Variants in MEIS1 observed in about 807,000 individuals in gnomAD.
MEIS1 encodes homeobox protein Meis1.
A neutral mutation model predicts 50.8 loss-of-function variants in MEIS1; 5 were observed. The observed-to-expected ratio is 0.10, with a 90% CI of 0.05 to 0.21. MEIS1 has a LOEUF of 0.21. Among genes scored for constraint, MEIS1 ranks in the 10% least tolerant of loss-of-function variants. The pLI is 1.00. For synonymous variants in MEIS1, 176 were observed against 179.3 expected, an observed-to-expected ratio of 0.98 and a Z score of 0.15; for missense variants, 318 against 517.3, an observed-to-expected ratio of 0.61 and a Z score of 3.74.
chr2:66,481,898 A>C (rs1295233258), intron 7 of MEIS1, among the ~76,000 whole-genome samples: 7 of 122,330 alleles, frequency 5.7e-5, no homozygotes, highest in African/African-American at 2.3e-4. Flanking sequence ...CTCTGTTGCC[A>C]GGCCGGAGTG....
intron 3 of MEIS1, 34 bp downstream of exon 3, chr2:66,440,018 CA>C (rs750522306): frequency 3.8e-5 from 60 of 1,561,196 alleles, no homozygotes; most frequent in Non-Finnish European, 5.1e-5. Flanking sequence ...GTAAAAGAAA[CA>C]AAAAGAGAGC....
intron 12 of MEIS1, 147 bp downstream of exon 12, chr2:66,569,292 TG>T (rs1675426340): frequency 1.5e-6 from 1 of 658,618 alleles, no homozygotes. Flanking sequence ...ATTTTCTTTT[TG>T]GTTGTGATCA....
intron 7 of MEIS1, among the ~76,000 whole-genome samples, chr2:66,492,914 A>T (rs546913281): frequency 6.6e-6 from 1 of 152,214 alleles, no homozygotes; most frequent in Admixed American, 6.5e-5. Flanking sequence ...CTGTTACTGC[A>T]CCCTTACTCT....
intron 9 of MEIS1, among the ~76,000 whole-genome samples, chr2:66,559,308 T>A (rs1162623354): frequency 6.6e-6 from 1 of 152,212 alleles, no homozygotes; most frequent in African/African-American, 2.4e-5. Context: ...TGCATCCCAC[T>A]TTCCTGGGAG....
intron 12 of MEIS1, chr2:66,569,756 C>G (rs1675438353): frequency 6.5e-6 from 1 of 152,696 alleles, no homozygotes; most frequent in African/African-American, 2.4e-5. Flanking sequence ...GCACAGCAGG[C>G]TGCGGGGCTT....
At chr2:66,516,339 A>G (rs1347494992) in intron 8 of MEIS1, among the ~76,000 whole-genome samples, 1 of 152,148 alleles carries the variant, frequency 6.6e-6, no homozygotes, top group African/African-American at 2.4e-5. Flanking sequence ...TTCACGGGTC[A>G]ATATCCAGCA....
intron 6 of MEIS1, among the ~76,000 whole-genome samples, chr2:66,445,978 T>C (rs947485858): frequency 1.3e-5 from 2 of 152,216 alleles, no homozygotes; most frequent in African/African-American, 4.8e-5. Flanking sequence ...GCAAGCCTCC[T>C]GGGCGCCCTC....
At chr2:66,461,969 T>A (rs1672531116) in intron 6 of MEIS1, 1 of 428,932 alleles carries the variant, frequency 2.3e-6, no homozygotes, top group African/African-American at 2.1e-5. Flanking sequence ...CAGAATAGAA[T>A]GTGGAAAATT....
intron 8 of MEIS1, among the ~76,000 whole-genome samples, chr2:66,520,544 T>C (rs1257368811): frequency 6.6e-6 from 1 of 152,092 alleles, no homozygotes; most frequent in Non-Finnish European, 1.5e-5. Flanking sequence ...AATGAATTCG[T>C]TGAAAAAATA....
chr2:66,452,777 T>A (rs1672304644), intron 6 of MEIS1, among the ~76,000 whole-genome samples: 1 of 151,996 alleles, frequency 6.6e-6, no homozygotes, highest in Non-Finnish European at 1.5e-5. Context: ...TGTTTGTGTA[T>A]TTGGTGGCTT....
chr2:66,463,393 G>T (rs367948026), intron 6 of MEIS1, among the ~76,000 whole-genome samples: 1 of 151,988 alleles, frequency 6.6e-6, no homozygotes, highest in Non-Finnish European at 1.5e-5. Context: ...GAGAGGTGTC[G>T]CCATGATTGT....
At chr2:66,564,929 T>G (rs948962325) in intron 9 of MEIS1, among the ~76,000 whole-genome samples, 2 of 152,004 alleles carry the variant, frequency 1.3e-5, no homozygotes, top group Non-Finnish European at 2.9e-5. Flanking sequence ...GCAATTACTT[T>G]TGCACCAACA....
At chr2:66,569,213 G>T in intron 12 of MEIS1, 68 bp downstream of exon 12, 1 of 1,320,814 alleles carries the variant, frequency 7.6e-7, no homozygotes. Flanking sequence ...ATTTTCTTAT[G>T]TTCTCCTTGC....
At chr2:66,500,210 T>C (rs934623974) in intron 7 of MEIS1, among the ~76,000 whole-genome samples, 5 of 152,130 alleles carry the variant, frequency 3.3e-5, no homozygotes, top group African/African-American at 1.2e-4. Flanking sequence ...TTGTAATCTA[T>C]TGGTTCTTAA....
intron 3 of MEIS1, chr2:66,440,350 G>C: frequency 1.6e-6 from 1 of 614,824 alleles, no homozygotes. Flanking sequence ...GTAGAAGTAA[G>C]ATTGAGCTCT....
chr2:66,561,312 G>A (rs1675207032), intron 9 of MEIS1, among the ~76,000 whole-genome samples: 1 of 151,946 alleles, frequency 6.6e-6, no homozygotes, highest in Non-Finnish European at 1.5e-5. Flanking sequence ...GAAATGCTAT[G>A]GTGAGGAAAT....
In MEIS1 at chr2:66,494,524, T is replaced by C. The variant is rs534335463; in HGVS notation, c.743-17625T>C. ...GAAATACAATACTGAACAAGACTCATTTACTATGCTCAAAGAGCTTATAGT... is the reference window on the plus strand; with the variant it reads ...GAAATACAATACTGAACAAGACTCACTTACTATGCTCAAAGAGCTTATAGT... On this transcript the variant is annotated intron_variant, in intron 7 of 12. Coordinates refer to ENST00000272369, the MANE Select transcript of MEIS1 (RefSeq NM_002398.3). 8.5e-5 allele frequency among the ~76,000 whole-genome samples: 13 copies of C among 152,300 alleles called. No homozygotes were observed. In the South Asian group the frequency reaches 2.7e-3, roughly 32 times the overall value.
chr2:66,482,619 C>T (rs1490940492), intron 7 of MEIS1, among the ~76,000 whole-genome samples: 1 of 152,174 alleles, frequency 6.6e-6, no homozygotes, highest in Non-Finnish European at 1.5e-5. Context: ...ATATTTCTTG[C>T]ATTCATTTAT....
chr2:66,455,662 G>T (rs1672370537), intron 6 of MEIS1, among the ~76,000 whole-genome samples: 1 of 152,110 alleles, frequency 6.6e-6, no homozygotes, highest in East Asian at 1.9e-4. Flanking sequence ...TTCAGTCCTG[G>T]CTTCCTAAGG....
Sources: allele counts gnomAD v4.1 joint callset (sites outside exome capture counted in the v4.1 genomes callset), GRCh38; gene constraint gnomAD v4.1.1; transcripts MANE v1.5; gene names NCBI Gene and HGNC (gene_info 2026-07-23, HGNC 2026-07-21).